GADL1: variants seen among roughly 807,000 people sequenced by gnomAD.
GADL1 encodes GAD like acidic amino acid decarboxylase 1.
A neutral mutation model predicts 69.5 loss-of-function variants in GADL1; 71 were observed. The observed-to-expected ratio is 1.02, with a 90% CI of 0.84 to 1.25. The LOEUF is 1.25. Ranked by LOEUF, GADL1 falls within the 50% of genes most tolerant of loss-of-function variation. GADL1 has a pLI of 0.00. For missense variants in GADL1, 737 were observed against 631.8 expected, an observed-to-expected ratio of 1.17 and a Z score of -1.79; for synonymous variants, 254 against 214.4, an observed-to-expected ratio of 1.18 and a Z score of -1.62.
At chr3:30,763,626 T>C (rs1186175026) in intron 14 of GADL1, among the ~76,000 whole-genome samples, 4 of 152,166 alleles carry the variant, frequency 2.6e-5, no homozygotes, top group African/African-American at 9.7e-5. Context: ...TTTGCCCAAC[T>C]ATAGTCTAAG....
chr3:30,806,603 GAAA>G (rs971340447), intron 11 of GADL1, among the ~76,000 whole-genome samples: 1 of 152,006 alleles, frequency 6.6e-6, no homozygotes, highest in African/African-American at 2.4e-5. Context: ...AATAGGAGCA[GAAA>G]AAACAAGCCA....
chr3:30,873,742 G>C (rs1289697091), intron 1 of GADL1, among the ~76,000 whole-genome samples: 5 of 151,892 alleles, frequency 3.3e-5, no homozygotes, highest in African/African-American at 1.2e-4. Context: ...TGCCTCATTT[G>C]CATCATCTGT....
chr3:30,853,171 T>C (rs1698175747), intron 4 of GADL1, among the ~76,000 whole-genome samples: 2 of 152,146 alleles, frequency 1.3e-5, no homozygotes, highest in South Asian at 4.1e-4. Flanking sequence ...AGGCCCAGTA[T>C]TGAGCCGCCT....
intron 12 of GADL1, 85 bp downstream of exon 12, chr3:30,800,800 CAGAT>C (rs1697142133): frequency 3.8e-6 from 4 of 1,042,470 alleles, no homozygotes; most frequent in East Asian, 2.5e-5. Context: ...ATTACAGACA[CAGAT>C]AGACACACAC....
intron 12 of GADL1, among the ~76,000 whole-genome samples, chr3:30,793,674 C>T (rs996332160): frequency 2.0e-5 from 3 of 152,160 alleles, no homozygotes; most frequent in African/African-American, 4.8e-5. Context: ...AATTTTTCTT[C>T]CTTACAAAGA....
At chr3:30,888,476 G>T (rs978046590) in intron 1 of GADL1, among the ~76,000 whole-genome samples, 1 of 152,148 alleles carries the variant, frequency 6.6e-6, no homozygotes, top group Non-Finnish European at 1.5e-5. Flanking sequence ...GTGGGAAGGA[G>T]AGAGAAGAGG....
chr3:30,841,378 T>A (rs1697963918), intron 8 of GADL1, among the ~76,000 whole-genome samples: 1 of 152,168 alleles, frequency 6.6e-6, no homozygotes, highest in Non-Finnish European at 1.5e-5. Flanking sequence ...CCGTTTCATG[T>A]ACTTTCACTG....
At position 30,761,089 on chromosome 3, in the gene GADL1, CAT is replaced by C. The variant is rs556139271; in HGVS notation, c.1392+17088_1392+17089del. Among the ~76,000 whole-genome samples, 107 of 152,312 alleles carry C rather than the reference CAT, an allele frequency of 7.0e-4. No homozygotes were observed. The Middle Eastern group carries it at 0.014, about 19-fold the overall frequency. ...TGAATGGAAAAAAGCTATCGGGTTT[CAT>C]ATAGGCATTTAATGAAGGATCTCTG... On this transcript the variant is annotated intron_variant, in intron 14 of 14. Transcript: ENST00000282538.
intron 11 of GADL1, among the ~76,000 whole-genome samples, chr3:30,816,985 A>C (rs1697488345): frequency 6.6e-6 from 1 of 152,164 alleles, no homozygotes; most frequent in Non-Finnish European, 1.5e-5. Context: ...ACTGCTCAGC[A>C]TACCCTCTAA....
At chr3:30,856,628 TG>T (rs1454624258) in intron 3 of GADL1, among the ~76,000 whole-genome samples, 1 of 152,072 alleles carries the variant, frequency 6.6e-6, no homozygotes, top group African/African-American at 2.4e-5. Context: ...ACACTTTTTT[TG>T]CATACTCTGG....
intron 1 of GADL1, among the ~76,000 whole-genome samples, chr3:30,885,632 G>C (rs887741391): frequency 3.4e-4 from 51 of 151,992 alleles, no homozygotes; most frequent in African/African-American, 1.2e-3. Flanking sequence ...TTCCATTCCA[G>C]TTTCATATGT....
intron 14 of GADL1, among the ~76,000 whole-genome samples, chr3:30,755,514 A>AG (rs1485520696): frequency 7.2e-5 from 11 of 152,228 alleles, no homozygotes; most frequent in Non-Finnish European, 1.3e-4. Flanking sequence ...CCCCTAAGGA[A>AG]TTTCTTGGGC....
chr3:30,774,347 C>A (rs1191580855), intron 14 of GADL1, among the ~76,000 whole-genome samples: 1 of 152,110 alleles, frequency 6.6e-6, no homozygotes, highest in South Asian at 2.1e-4. Context: ...AAGCGCAGAA[C>A]CTAACTGTTT....
intron 8 of GADL1, among the ~76,000 whole-genome samples, chr3:30,841,000 T>C (rs925470878): frequency 6.6e-6 from 1 of 152,228 alleles, no homozygotes; most frequent in Non-Finnish European, 1.5e-5. Context: ...ATCTATGTAA[T>C]GACATCAAGA....
chr3:30,868,174 C>T (rs1698431276), intron 1 of GADL1, among the ~76,000 whole-genome samples: 1 of 152,048 alleles, frequency 6.6e-6, no homozygotes, highest in African/African-American at 2.4e-5. Flanking sequence ...TGGAATTTTT[C>T]TTCCACAGGA....
At position 30,763,930 on chromosome 3, in the gene GADL1, TGA is replaced by T. The variant is rs1368662746; in HGVS notation, c.1392+14247_1392+14248del. On this transcript the variant is annotated intron_variant, in intron 14 of 14. Transcript: ENST00000282538. ...TGAAAAATGATTTTATAAATTCTCT[TGA>T]TAATAAAAAGGAAAAAATCTTCCCA... 2.6e-5 allele frequency among the ~76,000 whole-genome samples: 4 copies of T among 152,116 alleles called. No homozygotes were observed. In the South Asian group the frequency reaches 8.3e-4, roughly 32 times the overall value.
chr3:30,839,402 G>C (rs947202376), intron 8 of GADL1, among the ~76,000 whole-genome samples: 3 of 151,032 alleles, frequency 2.0e-5, no homozygotes, highest in African/African-American at 7.3e-5. Context: ...CAATTGTCCA[G>C]ATAGAAATTT....
chr3:30,813,224 A>C (rs1043184862), intron 11 of GADL1, among the ~76,000 whole-genome samples: 1 of 152,210 alleles, frequency 6.6e-6, no homozygotes, highest in African/African-American at 2.4e-5. Context: ...ATTCATCTGC[A>C]AATTGAGGAT....
In GADL1 at chr3:30,861,745, T is replaced by A. The variant is rs1698324438; in HGVS notation, c.58A>T (p.Met20Leu). The A allele has an allele frequency of 5.0e-5, 77 of 1,546,712 alleles. No homozygotes were observed. The highest frequency in any genetic ancestry group is 6.7e-5 in the Non-Finnish European group (77 of 1,144,586). The part of the protein sequence containing the change: ...PVDGDIDQQE[M>L]IPSKKNAVLV... ...ACAGCATTCTTCTTACTTGGAATCATCTCTTGTTGATCAATATCTCCTGGA... is the reference window on the plus strand; with the variant it reads ...ACAGCATTCTTCTTACTTGGAATCAACTCTTGTTGATCAATATCTCCTGGA... Residue 20 changes from methionine to leucine, a missense_variant, in exon 2 of 15, where the codon ATG (methionine) becomes TTG (leucine). Met to Leu is a conservative substitution (Grantham distance 15). Coordinates refer to ENST00000282538, the MANE Select transcript of GADL1 (RefSeq NM_207359.3).
Sources: allele counts gnomAD v4.1 joint callset (sites outside exome capture counted in the v4.1 genomes callset), GRCh38; gene constraint gnomAD v4.1.1; transcripts MANE v1.5; gene names NCBI Gene and HGNC (gene_info 2026-07-23, HGNC 2026-07-21).